The following TSPAN9 variants were observed in gnomAD, a reference collection of about 807,000 sequenced individuals.
TSPAN9 encodes tetraspanin-9.
TSPAN9 carries 16 observed loss-of-function variants against 31.0 expected under a neutral mutation model. The observed-to-expected ratio is 0.52, with a 90% CI of 0.35 to 0.78. The LOEUF is 0.78. Ranked by LOEUF, TSPAN9 falls within the 30% of genes least tolerant of loss-of-function variation. TSPAN9 has a pLI of 0.01. For missense variants in TSPAN9, 272 were observed against 312.5 expected (o/e 0.87, Z 0.98); for synonymous variants, 145 against 121.6 (o/e 1.19, Z -1.27).
intron 2 of TSPAN9, among the ~76,000 whole-genome samples, chr12:3,092,862 A>G (rs890667795): frequency 6.6e-6 from 1 of 152,176 alleles, no homozygotes; most frequent in Non-Finnish European, 1.5e-5. Context: ...TTTCCCAGAG[A>G]GGCCGCAGTC....
At chr12:3,230,790 G>C (rs1303254721) in intron 3 of TSPAN9, among the ~76,000 whole-genome samples, 2 of 152,052 alleles carry the variant, frequency 1.3e-5, no homozygotes, top group Non-Finnish European at 2.9e-5. Flanking sequence ...CCCCTGCTCC[G>C]ATCCTCAGTT....
intron 2 of TSPAN9, among the ~76,000 whole-genome samples, chr12:3,163,835 G>A (rs970420681): frequency 6.6e-6 from 1 of 152,212 alleles, no homozygotes; most frequent in East Asian, 1.9e-4. Context: ...CTGCCCTGGA[G>A]GATACAGAAA....
chr12:3,229,480 T>C (rs938335721), intron 3 of TSPAN9, among the ~76,000 whole-genome samples: 2 of 152,188 alleles, frequency 1.3e-5, no homozygotes, highest in African/African-American at 4.8e-5. Flanking sequence ...CCATGTATTC[T>C]CTCTCCCTTG....
intron 3 of TSPAN9, among the ~76,000 whole-genome samples, chr12:3,270,460 C>T (rs78561224): frequency 0.012 from 1,822 of 152,320 alleles, 32 homozygotes; most frequent in African/African-American, 0.041. Context: ...CTTTGAAGCC[C>T]GGAACAGATT....
Position 3,150,596 on chromosome 12 carries a change from A to G in TSPAN9, c.-17-50581A>G, listed in dbSNP as rs531321845. On this transcript the variant is annotated intron_variant, in intron 2 of 8. Transcript: ENST00000011898. ...TTGGCCCATGCTAGGTGCTCAATGA[A>G]TGCCAGCTTTTCTTCTCTGCCGTTG... Among the ~76,000 whole-genome samples, 87 of 152,264 alleles carry G rather than the reference A, an allele frequency of 5.7e-4. 1 individual carries two copies. In the South Asian group the frequency reaches 0.018, roughly 31 times the overall value.
At chr12:3,213,723 G>A (rs77448851) in intron 3 of TSPAN9, among the ~76,000 whole-genome samples, 1,537 of 152,264 alleles carry the variant, frequency 0.01, 26 homozygotes, top group African/African-American at 0.035. Flanking sequence ...AAGCCACTCC[G>A]TAGAGGGCTG....
At position 3,279,007 on chromosome 12, in the gene TSPAN9, T is replaced by C. The variant is rs757821508; in HGVS notation, c.271T>C (p.Leu91=). The C allele has an allele frequency of 4.3e-6, 7 of 1,614,176 alleles. No homozygotes were observed. Among genetic ancestry groups the C allele is most frequent in the Non-Finnish European group, 4.2e-6 (5 of 1,180,012 alleles). Residue 91 remains leucine, a synonymous_variant, in exon 5 of 9, where the codon TTG becomes CTG. Coordinates refer to ENST00000011898, the MANE Select transcript of TSPAN9 (RefSeq NM_006675.5). The part of the protein sequence containing the change: ...CLLLSFFIVL[L]VILLAELILL... ...TCCTTTCCAGTTTTTCATCGTCCTGTTGGTCATCCTCCTAGCAGAGCTGAT... is the reference window on the plus strand; with the variant it reads ...TCCTTTCCAGTTTTTCATCGTCCTGCTGGTCATCCTCCTAGCAGAGCTGAT...
intron 3 of TSPAN9, among the ~76,000 whole-genome samples, chr12:3,253,929 A>G (rs974492100): frequency 3.9e-5 from 6 of 152,208 alleles, no homozygotes; most frequent in African/African-American, 1.4e-4. Flanking sequence ...CTCGTGCAAC[A>G]GGAGGTCCAG....
intron 2 of TSPAN9, among the ~76,000 whole-genome samples, chr12:3,112,844 A>G (rs12099812): frequency 0.049 from 7,473 of 151,558 alleles, 581 homozygotes; most frequent in African/African-American, 0.17. Context: ...CACCACACCT[A>G]GCTAATTTTT....
In TSPAN9 at chr12:3,179,082, A is replaced by G. The variant is rs147604086; in HGVS notation, c.-17-22095A>G. ...CAGGATGCCCTGGATTCCTCTGTCA[A>G]TGTTGGCATTAGACAGGAACTATCA... On this transcript the variant is annotated intron_variant, in intron 2 of 8. Coordinates refer to ENST00000011898, the MANE Select transcript of TSPAN9 (RefSeq NM_006675.5). 6.4e-4 allele frequency among the ~76,000 whole-genome samples: 97 copies of G among 152,214 alleles called. No individual in the cohort carries two copies. The East Asian group carries it at 7.9e-3, about 12-fold the overall frequency.
chr12:3,228,435 A>G (rs2098389020), intron 3 of TSPAN9, among the ~76,000 whole-genome samples: 1 of 152,220 alleles, frequency 6.6e-6, no homozygotes, highest in African/African-American at 2.4e-5. Flanking sequence ...GAGGATACTA[A>G]ATCTCAGAGG....
intron 3 of TSPAN9, among the ~76,000 whole-genome samples, chr12:3,208,132 C>A (rs926530543): frequency 2.0e-5 from 3 of 152,194 alleles, no homozygotes; most frequent in Non-Finnish European, 4.4e-5. Flanking sequence ...ATTACTGTCG[C>A]TCCTGCGGTG....
At chr12:3,156,091 G>T (rs2098342133) in intron 2 of TSPAN9, among the ~76,000 whole-genome samples, 1 of 152,202 alleles carries the variant, frequency 6.6e-6, no homozygotes, top group Non-Finnish European at 1.5e-5. Flanking sequence ...TCAGATCAGT[G>T]ACAATGTCAG....
intron 2 of TSPAN9, among the ~76,000 whole-genome samples, chr12:3,166,439 C>T (rs1426559976): frequency 2.0e-5 from 3 of 152,166 alleles, no homozygotes; most frequent in Non-Finnish European, 4.4e-5. Context: ...GAGATTATCT[C>T]ATATTCTTCA....
intron 3 of TSPAN9, among the ~76,000 whole-genome samples, chr12:3,277,848 G>A (rs648870): frequency 0.2 from 29,744 of 152,202 alleles, 3,213 homozygotes; most frequent in Middle Eastern, 0.36. Flanking sequence ...GCCGATGACT[G>A]CCTCCTTTCT....
chr12:3,230,172 G>C (rs1366540670), intron 3 of TSPAN9, among the ~76,000 whole-genome samples: 1 of 152,210 alleles, frequency 6.6e-6, no homozygotes, highest in Non-Finnish European at 1.5e-5. Context: ...CTCTCCCCAG[G>C]ATTGCCCAGA....
Position 3,281,344 on chromosome 12 carries a change from G to A in TSPAN9, c.564+15G>A. 6.5e-7 allele frequency: 1 copy of A among 1,544,264 alleles called. No individual in the cohort carries two copies. The highest frequency in any genetic ancestry group is 8.7e-7 in the Non-Finnish European group (1 of 1,143,176). ...TGTGGAGAACGGTGAGGCTGGGGAT[G>A]GACCGCTTGGGTCCAAGAGCCCGTG... On this transcript the variant is annotated intron_variant, in intron 7 of 8. Coordinates refer to ENST00000011898, the MANE Select transcript of TSPAN9 (RefSeq NM_006675.5).
At chr12:3,183,378 G>A (rs2098359453) in intron 2 of TSPAN9, among the ~76,000 whole-genome samples, 1 of 152,206 alleles carries the variant, frequency 6.6e-6, no homozygotes, top group Non-Finnish European at 1.5e-5. Context: ...TGACAGAAAT[G>A]TGTAAGGGTT....
At position 3,281,764 on chromosome 12, in the gene TSPAN9, G is replaced by T; in HGVS notation, c.595G>T (p.Asp199Tyr). 4 of 1,614,020 alleles carry T rather than the reference G, an allele frequency of 2.5e-6. No homozygotes were observed. The highest frequency in any genetic ancestry group is 3.4e-6 in the Non-Finnish European group (4 of 1,179,878). Reference protein sequence around the residue: ...GCYEKVKMWFDDNKHVLGTVG... With the variant: ...GCYEKVKMWFYDNKHVLGTVG... Reference sequence around the variant, plus strand: ...CTATGAAAAGGTGAAGATGTGGTTCGATGACAATAAGCACGTGCTGGGCAC... The same window carrying T: ...CTATGAAAAGGTGAAGATGTGGTTCTATGACAATAAGCACGTGCTGGGCAC... The change falls in exon 8 of 9, where the codon GAT becomes TAT. Residue 199 changes from aspartate to tyrosine, a missense_variant. Coordinates refer to ENST00000011898, the MANE Select transcript of TSPAN9 (RefSeq NM_006675.5).
Sources: gnomAD v4.1 joint callset for allele counts (sites outside exome capture counted in the v4.1 genomes callset) on GRCh38, gnomAD v4.1.1 for gene constraint, MANE v1.5 for transcripts, NCBI Gene and HGNC (gene_info 2026-07-23, HGNC 2026-07-21) for gene names.